The following PTK2 variants were observed in gnomAD, a reference collection of about 807,000 sequenced individuals.
PTK2 encodes focal adhesion kinase 1.
Under a neutral mutation model 150.1 loss-of-function variants are expected in PTK2, and 45 were observed. The ratio of observed to expected loss-of-function variants is 0.30; its 90% CI spans 0.24 to 0.38. PTK2 has a LOEUF of 0.38. PTK2 is among the 10% of genes least tolerant of loss of function. PTK2 has a pLI of 1.00. For synonymous variants in PTK2, 432 were observed against 449.2 expected (o/e 0.96, Z 0.48); for missense variants, 919 against 1,307.3 (o/e 0.70, Z 4.58).
intron 10 of PTK2, among the ~76,000 whole-genome samples, chr8:140,803,853 GCT>G (rs969397039): frequency 6.6e-6 from 1 of 152,166 alleles, no homozygotes; most frequent in Non-Finnish European, 1.5e-5. Context: ...GTACAGGTCT[GCT>G]CTCTGTGATG....
chr8:140,756,727 C>T (rs1047613610), intron 16 of PTK2, among the ~76,000 whole-genome samples: 8 of 150,004 alleles, frequency 5.3e-5, no homozygotes, highest in South Asian at 2.1e-4. Flanking sequence ...CGGTGGCTCA[C>T]GCCTGTAATC....
chr8:140,818,856 T>TA, intron 9 of PTK2, 24 bp downstream of exon 9: 1 of 1,604,788 alleles, frequency 6.2e-7, no homozygotes, highest in Non-Finnish European at 8.5e-7. Context: ...ACTAGCCCAC[T>TA]ATTTCCCATA....
At chr8:140,848,751 A>G (rs571080243) in intron 5 of PTK2, among the ~76,000 whole-genome samples, 2 of 152,214 alleles carry the variant, frequency 1.3e-5, no homozygotes, top group Non-Finnish European at 2.9e-5. Flanking sequence ...ATCGAGCACA[A>G]AAATAAAGGC....
At chr8:140,789,922 T>C (rs184425962) in intron 13 of PTK2, among the ~76,000 whole-genome samples, 105 of 152,282 alleles carry the variant, frequency 6.9e-4, no homozygotes, top group Non-Finnish European at 3.5e-4. Flanking sequence ...AAACATAATA[T>C]GAAATACTAC....
At chr8:140,880,610 T>A (rs1396577849) in intron 3 of PTK2, among the ~76,000 whole-genome samples, 1 of 152,206 alleles carries the variant, frequency 6.6e-6, no homozygotes, top group Non-Finnish European at 1.5e-5. Flanking sequence ...AAGAAAATAA[T>A]CACTGCTTTT....
At chr8:140,917,383 GGAGGGCAGAT>G (rs1319389363) in intron 2 of PTK2, among the ~76,000 whole-genome samples, 1 of 151,928 alleles carries the variant, frequency 6.6e-6, no homozygotes, top group Non-Finnish European at 1.5e-5. Context: ...GGAGGGCAGG[GGAGGGCAGAT>G]GAGAGGAGAG....
intron 23 of PTK2, among the ~76,000 whole-genome samples, chr8:140,715,783 T>A (rs528408457): frequency 7.3e-5 from 11 of 149,820 alleles, no homozygotes; most frequent in South Asian, 4.2e-4. Flanking sequence ...AAATATCTTT[T>A]AAAAAAAAAA....
chr8:140,662,690 AGTCAAT>A (rs202056008), intron 31 of PTK2: 11,915 of 586,704 alleles, frequency 0.02, 191 homozygotes, highest in Non-Finnish European at 0.026. Flanking sequence ...GTCCTTCAGA[AGTCAAT>A]GTCCAGTTGG....
At chr8:140,720,310 TA>T (rs2100042183) in intron 22 of PTK2, among the ~76,000 whole-genome samples, 1 of 152,196 alleles carries the variant, frequency 6.6e-6, no homozygotes, top group Non-Finnish European at 1.5e-5. Context: ...AGCTGACACT[TA>T]AATATTTGCT....
At chr8:140,927,518 A>C (rs566666464) in intron 1 of PTK2, 8 of 152,302 alleles carry the variant, frequency 5.3e-5, no homozygotes, top group Admixed American at 2.0e-4. Flanking sequence ...TGGGGGTCTG[A>C]TGGTGTCAGG....
chr8:140,948,197 G>T (rs2154609029), intron 1 of PTK2, among the ~76,000 whole-genome samples: 1 of 152,104 alleles, frequency 6.6e-6, no homozygotes, highest in Non-Finnish European at 1.5e-5. Context: ...GAGAAAAACT[G>T]GCCTTGAAAG....
chr8:140,696,383 G>A (rs144120329), intron 26 of PTK2, among the ~76,000 whole-genome samples: 1 of 152,270 alleles, frequency 6.6e-6, no homozygotes, highest in East Asian at 1.9e-4. Context: ...CAGGGGGTTG[G>A]GGGAGAGAAC....
chr8:140,743,247 T>G (rs375296546), exon 20 of PTK2: 1 of 1,604,210 alleles, frequency 6.2e-7, no homozygotes, highest in Non-Finnish European at 8.5e-7. Context: ...GTAAGTACTA[T>G]CTTCCATATA....
At chr8:140,985,638 G>C (rs2154610071) in intron 1 of PTK2, among the ~76,000 whole-genome samples, 1 of 152,056 alleles carries the variant, frequency 6.6e-6, no homozygotes, top group South Asian at 2.1e-4. Context: ...GTTCCCTCAA[G>C]AGTGGGTGCT....
chr8:140,742,675 CTAT>C (rs1333595436), intron 20 of PTK2, among the ~76,000 whole-genome samples: 1 of 152,166 alleles, frequency 6.6e-6, no homozygotes, highest in Non-Finnish European at 1.5e-5. Context: ...ATGTCTCTTC[CTAT>C]TTTTTTGCCC....
chr8:140,659,350 A>G (rs2076117243), exon 32 of PTK2: 1 of 804,720 alleles, frequency 1.2e-6, no homozygotes, highest in Non-Finnish European at 1.9e-6. Flanking sequence ...GGTCATTCAA[A>G]AAAGTTGGAG....
At chr8:140,873,910 T>C (rs547550835) in intron 4 of PTK2, among the ~76,000 whole-genome samples, 1 of 152,220 alleles carries the variant, frequency 6.6e-6, no homozygotes, top group Admixed American at 6.5e-5. Flanking sequence ...ACAGTAGAAT[T>C]TGCCAGCCTT....
intron 1 of PTK2, among the ~76,000 whole-genome samples, chr8:140,931,070 C>CAAAAAAAAAAAA (rs34438579): frequency 9.0e-6 from 1 of 111,720 alleles, no homozygotes; most frequent in Non-Finnish European, 1.8e-5. Context: ...GACTCTGTCT[C>CAAAAAAAAAAAA]AAAAAAAAAA....
intron 1 of PTK2, among the ~76,000 whole-genome samples, chr8:140,949,303 C>G (rs1231718516): frequency 6.6e-6 from 1 of 152,206 alleles, no homozygotes; most frequent in African/African-American, 2.4e-5. Flanking sequence ...GGAAGCCAGT[C>G]TGGAGGGGCT....
Sources: gnomAD v4.1 joint callset for allele counts (sites outside exome capture counted in the v4.1 genomes callset) on GRCh38, gnomAD v4.1.1 for gene constraint, MANE v1.5 for transcripts, NCBI Gene and HGNC (gene_info 2026-07-23, HGNC 2026-07-21) for gene names.